The following FAM171B variants were observed in gnomAD, a reference collection of about 807,000 sequenced individuals.
FAM171B encodes protein FAM171B.
Under a neutral mutation model 75.6 loss-of-function variants are expected in FAM171B, and 19 were observed. The ratio of observed to expected loss-of-function variants is 0.25; its 90% CI spans 0.18 to 0.37. FAM171B has a LOEUF of 0.37. Among genes scored for constraint, FAM171B ranks in the 10% least tolerant of loss-of-function variants. The pLI is 1.00. For missense variants in FAM171B, 848 were observed against 982.4 expected (o/e 0.86, Z 1.83); for synonymous variants, 367 against 361.7 (o/e 1.01, Z -0.17).
intron 1 of FAM171B, among the ~76,000 whole-genome samples, chr2:186,694,792 CA>C (rs1223315950): frequency 5.1e-4 from 70 of 138,478 alleles, no homozygotes; most frequent in African/African-American, 1.5e-3. Context: ...CACACACACA[CA>C]CCGTTCTTAA....
At chr2:186,729,279 G>A (rs1671238586) in intron 1 of FAM171B, among the ~76,000 whole-genome samples, 1 of 151,952 alleles carries the variant, frequency 6.6e-6, no homozygotes, top group Admixed American at 6.6e-5. Flanking sequence ...TGATTATGTG[G>A]GCAAGACATA....
At chr2:186,724,608 C>T (rs1355682274) in intron 1 of FAM171B, among the ~76,000 whole-genome samples, 2 of 152,034 alleles carry the variant, frequency 1.3e-5, no homozygotes, top group African/African-American at 4.8e-5. Context: ...TCTTGGGACC[C>T]CTGAAACACG....
intron 1 of FAM171B, among the ~76,000 whole-genome samples, chr2:186,733,667 G>T (rs1690156400): frequency 6.6e-6 from 1 of 152,198 alleles, no homozygotes; most frequent in African/African-American, 2.4e-5. Flanking sequence ...AGTGGGGGGT[G>T]TGTGAATGAG....
chr2:186,734,993 C>T (rs1690177456), intron 1 of FAM171B, among the ~76,000 whole-genome samples: 1 of 152,220 alleles, frequency 6.6e-6, no homozygotes, highest in South Asian at 2.1e-4. Context: ...GGGAAGGGAG[C>T]TTCCTGGGCC....
chr2:186,694,298 T>A lies in FAM171B; in HGVS notation c.125T>A (p.Ile42Asn), dbSNP rs867342353. ...AELSRSDLSL[I>N]QQQQQQQQQQ... ...CTCAGCCGCTCCGACCTCAGCCTCA[T>A]CCAACAGCAGCAGCAGCAGCAGCAA... The change falls in exon 1 of 8, where the codon ATC (isoleucine) becomes AAC (asparagine). Residue 42 changes from isoleucine (I) to asparagine (N), a missense_variant. By Grantham distance (149) the Ile-to-Asn change is moderately radical (BLOSUM62 -3). Coordinates refer to ENST00000304698, the MANE Select transcript of FAM171B (RefSeq NM_177454.4). The A allele has an allele frequency of 6.5e-7, 1 of 1,544,330 alleles. No individual in the cohort carries two copies. The highest frequency in any genetic ancestry group is 8.7e-7 in the Non-Finnish European group (1 of 1,145,904).
rs578125160 is a variant in FAM171B, at chr2:186,745,894, G to A, written c.566-1198G>A. Among the ~76,000 whole-genome samples, 3 of 152,282 alleles carry A rather than the reference G, an allele frequency of 2.0e-5. No homozygotes were observed. In the South Asian group the frequency reaches 6.2e-4, roughly 32 times the overall value. ...AGATTGTATCCTCAACAACCAAACA[G>A]CATATAATTATGTTACTTTTCTTAA... On this transcript the variant is annotated intron_variant, in intron 3 of 7. Transcript: ENST00000304698.
chr2:186,703,386 G>C (rs1007990869), intron 1 of FAM171B, among the ~76,000 whole-genome samples: 3 of 152,166 alleles, frequency 2.0e-5, no homozygotes, highest in Admixed American at 6.5e-5. Flanking sequence ...CAGTAGAAAT[G>C]TTCACTTTCA....
chr2:186,756,522 T>C (rs1321258467), intron 6 of FAM171B, among the ~76,000 whole-genome samples: 1 of 152,242 alleles, frequency 6.6e-6, no homozygotes, highest in African/African-American at 2.4e-5. Flanking sequence ...TGGAGGCTAC[T>C]GTCCAAGGTC....
At chr2:186,712,854 A>T (rs1284305547) in intron 1 of FAM171B, among the ~76,000 whole-genome samples, 1 of 152,204 alleles carries the variant, frequency 6.6e-6, no homozygotes, top group Non-Finnish European at 1.5e-5. Flanking sequence ...TCCCAACATG[A>T]ATCCTTCTTT....
intron 1 of FAM171B, among the ~76,000 whole-genome samples, chr2:186,728,757 G>A (rs1690070698): frequency 6.6e-6 from 1 of 152,168 alleles, no homozygotes; most frequent in Non-Finnish European, 1.5e-5. Context: ...CGAAGTAGGT[G>A]AGTTTTTGTA....
chr2:186,715,403 A>T (rs566455442), intron 1 of FAM171B, among the ~76,000 whole-genome samples: 14 of 152,102 alleles, frequency 9.2e-5, no homozygotes, highest in Admixed American at 7.9e-4. Flanking sequence ...GGGACTCATT[A>T]TGTTGCCTAG....
intron 1 of FAM171B, among the ~76,000 whole-genome samples, chr2:186,720,069 G>A (rs540239095): frequency 1.3e-5 from 2 of 152,246 alleles, no homozygotes; most frequent in East Asian, 1.9e-4. Context: ...ACGGAGTCTC[G>A]CTCTGTCGCC....
chr2:186,752,698 G>A (rs910028206), intron 5 of FAM171B, among the ~76,000 whole-genome samples: 7 of 152,138 alleles, frequency 4.6e-5, no homozygotes, highest in African/African-American at 1.7e-4. Context: ...ATTTATCACT[G>A]ATGTAACACT....
At chr2:186,752,915 CT>C (rs1690477381) in intron 5 of FAM171B, among the ~76,000 whole-genome samples, 1 of 151,886 alleles carries the variant, frequency 6.6e-6, no homozygotes, top group Admixed American at 6.6e-5. Context: ...ATTCTTTTTT[CT>C]TTTGACAGCA....
In FAM171B at chr2:186,727,420, T is replaced by G. The variant is rs1460096847; in HGVS notation, c.239-12808T>G. 5.9e-5 allele frequency among the ~76,000 whole-genome samples: 9 copies of G among 152,316 alleles called. No individual in the cohort carries two copies. The East Asian group carries it at 1.7e-3, about 29-fold the overall frequency. ...ATTATGTTGTAGCAGGCAAATGGGT[T>G]GTCTTGGTTAGTGACCAATGACCCA... On this transcript the variant is annotated intron_variant, in intron 1 of 7. Coordinates refer to ENST00000304698, the MANE Select transcript of FAM171B (RefSeq NM_177454.4).
rs1271601477 is a variant in FAM171B, at chr2:186,762,833, G to A, written c.*10G>A. ...GATTCCCATAAATTAACTCCAATGG[G>A]GATTGTGTGTCTGCTGTCTCGTGCT... On this transcript the variant is annotated 3_prime_UTR_variant, in exon 8 of 8. Coordinates refer to ENST00000304698, the MANE Select transcript of FAM171B (RefSeq NM_177454.4). The surrounding 1 kb of genome is among the most constrained non-coding windows in gnomAD (Gnocchi z 4.0). 3.1e-6 allele frequency: 5 copies of A among 1,601,318 alleles called. No homozygotes were observed. In the Admixed American group the frequency reaches 5.1e-5, roughly 16 times the overall value.
chr2:186,701,076 C>T (rs1341205338), intron 1 of FAM171B, among the ~76,000 whole-genome samples: 1 of 151,914 alleles, frequency 6.6e-6, no homozygotes, highest in African/African-American at 2.4e-5. Flanking sequence ...GCCACCATGC[C>T]TGGCTAAGTT....
intron 1 of FAM171B, among the ~76,000 whole-genome samples, chr2:186,702,103 A>AGTAATCATGCCT (rs1689670420): frequency 6.6e-6 from 1 of 152,238 alleles, no homozygotes; most frequent in Non-Finnish European, 1.5e-5. Flanking sequence ...TTATTGAACA[A>AGTAATCATGCCT]CAAGGACATT....
At chr2:186,751,821 G>C (rs1448295312) in intron 5 of FAM171B, among the ~76,000 whole-genome samples, 2 of 152,076 alleles carry the variant, frequency 1.3e-5, no homozygotes, top group African/African-American at 4.8e-5. Flanking sequence ...GCTTCCCTTT[G>C]TTTTTGTTCA....
Sources: gnomAD v4.1 joint callset for allele counts (sites outside exome capture counted in the v4.1 genomes callset) on GRCh38, gnomAD v4.1.1 for gene constraint, Gnocchi (gnomAD v3.1) non-coding constraint, MANE v1.5 for transcripts, NCBI Gene and HGNC (gene_info 2026-07-23, HGNC 2026-07-21) for gene names.